The following CTBP2 variants were observed in gnomAD, a reference collection of about 807,000 sequenced individuals.
The protein encoded by CTBP2 is C-terminal-binding protein 2.
A neutral mutation model predicts 80.3 loss-of-function variants in CTBP2; 30 were observed. That is an observed-to-expected ratio of 0.37 (90% CI 0.28 to 0.51). CTBP2 has a LOEUF of 0.51. Ranked by LOEUF, CTBP2 falls within the 20% of genes least tolerant of loss-of-function variation. The pLI is 0.93. For missense variants in CTBP2, 1,212 were observed against 1,375.3 expected (o/e 0.88, Z 1.88); for synonymous variants, 594 against 587.4 (o/e 1.01, Z -0.16).
intron 1 of CTBP2, among the ~76,000 whole-genome samples, chr10:125,146,678 G>C (rs971846789): frequency 6.6e-6 from 1 of 152,104 alleles, no homozygotes; most frequent in Non-Finnish European, 1.5e-5. Context: ...ACTAACTGCC[G>C]GACAGGCACC....
chr10:125,029,627 T>C (rs1957982902), upstream of CTBP2, among the ~76,000 whole-genome samples: 1 of 152,126 alleles, frequency 6.6e-6, no homozygotes, highest in Non-Finnish European at 1.5e-5. Context: ...AACATGACCT[T>C]ATGTGGTGTT....
At chr10:125,014,330 T>C (rs1017194737) in intron 1 of CTBP2, among the ~76,000 whole-genome samples, 3 of 152,180 alleles carry the variant, frequency 2.0e-5, no homozygotes, top group African/African-American at 7.2e-5. Flanking sequence ...CACGTGCCTG[T>C]AGTCCCAGCT....
intron 2 of CTBP2, among the ~76,000 whole-genome samples, chr10:125,099,992 G>C (rs1183741041): frequency 2.0e-5 from 3 of 152,150 alleles, no homozygotes; most frequent in Admixed American, 1.3e-4. Flanking sequence ...GTCCTGGGGG[G>C]GCGGACACAG....
chr10:125,146,649 C>A (rs1858832259), intron 1 of CTBP2, among the ~76,000 whole-genome samples: 1 of 152,090 alleles, frequency 6.6e-6, no homozygotes, highest in Non-Finnish European at 1.5e-5. Flanking sequence ...AAATGACCAG[C>A]CCACTCTGAA....
In CTBP2 at chr10:124,984,725, C is replaced by G. The variant is rs376988630; in HGVS notation, c.*4793G>C. On this transcript the variant is annotated 3_prime_UTR_variant, in exon 9 of 9. Coordinates refer to ENST00000309035, the MANE Select transcript of CTBP2 (RefSeq NM_022802.3). ...TTTCCATGTCACATTCCTACCAAGTCTCTGATCTGTTGTATGATTTTCCCT... is the reference window on the plus strand; with the variant it reads ...TTTCCATGTCACATTCCTACCAAGTGTCTGATCTGTTGTATGATTTTCCCT... 1 of 1,570,040 alleles carries G rather than the reference C, an allele frequency of 6.4e-7. No homozygotes were observed. Among genetic ancestry groups the G allele is most frequent in the Non-Finnish European group, 8.7e-7 (1 of 1,151,436 alleles).
At chr10:125,091,933 A>G (rs1485664172) in intron 2 of CTBP2, among the ~76,000 whole-genome samples, 3 of 152,174 alleles carry the variant, frequency 2.0e-5, no homozygotes, top group Non-Finnish European at 2.9e-5. Context: ...TTCTATTCAT[A>G]AATGTTCAAC....
intron 2 of CTBP2, among the ~76,000 whole-genome samples, chr10:125,069,894 C>A (rs926597826): frequency 6.9e-5 from 9 of 131,054 alleles, no homozygotes; most frequent in Non-Finnish European, 1.0e-4. Flanking sequence ...CCCTCCCCCC[C>A]CCACACAAAC....
At chr10:125,070,569 G>A (rs1050770075) in intron 2 of CTBP2, among the ~76,000 whole-genome samples, 1 of 149,024 alleles carries the variant, frequency 6.7e-6, no homozygotes, top group Non-Finnish European at 1.5e-5. Context: ...AAATGATAAT[G>A]ATAATAATAA....
In CTBP2 at chr10:125,027,619, C is replaced by G. The variant is rs1452134003; in HGVS notation, c.141G>C (p.Glu47Asp). The G allele has an allele frequency of 3.1e-6, 5 of 1,613,972 alleles. No homozygotes were observed. The highest frequency in any genetic ancestry group is 4.2e-6 in the Non-Finnish European group (5 of 1,180,042). Residue 47 changes from glutamate (E) to aspartate (D), a missense_variant, in exon 1 of 9, where the codon GAG becomes GAC. Transcript: ENST00000309035. ...GGTGGTTTGGCTCAAACCAAGTCCC[C>G]TCTGCTGTGCCATACGTCAGGGAGC...
At chr10:125,089,076 AT>A (rs1240146681) in intron 2 of CTBP2, among the ~76,000 whole-genome samples, 2 of 152,264 alleles carry the variant, frequency 1.3e-5, no homozygotes, top group African/African-American at 4.8e-5. Context: ...TAGGGTAAGA[AT>A]AACATCTCTC....
At chr10:125,138,996 G>A (rs1015003386) in intron 1 of CTBP2, among the ~76,000 whole-genome samples, 2 of 152,152 alleles carry the variant, frequency 1.3e-5, no homozygotes, top group African/African-American at 4.8e-5. Context: ...CCTGTGAGTG[G>A]TGCATTAGCC....
intron 2 of CTBP2, among the ~76,000 whole-genome samples, chr10:125,091,094 T>G (rs1848696954): frequency 6.6e-6 from 1 of 152,292 alleles, no homozygotes. Context: ...GGATATGACT[T>G]AACACAAACC....
chr10:125,040,477 A>C (rs1448231980), intron 2 of CTBP2, among the ~76,000 whole-genome samples: 2 of 141,864 alleles, frequency 1.4e-5, no homozygotes, highest in Admixed American at 1.4e-4. Flanking sequence ...AAAAAAAAAA[A>C]GGTGGCTTGA....
Position 125,042,643 on chromosome 10 carries a change from T to C in CTBP2, c.-101-3488A>G, listed in dbSNP as rs988098312. Among the ~76,000 whole-genome samples, 4 of 152,084 alleles carry C rather than the reference T, an allele frequency of 2.6e-5. No individual in the cohort carries two copies. In the East Asian group the frequency reaches 5.8e-4, roughly 22 times the overall value. ...CCTTGTCTGTAGAATGGGATGTCAC[T>C]GTGATGTCCCAGAGTGGCAGTGAGG... On this transcript the variant is annotated intron_variant, in intron 2 of 10. Transcript: ENST00000337195.
At chr10:125,118,545 G>A (rs1052966165) in intron 1 of CTBP2, among the ~76,000 whole-genome samples, 1 of 152,190 alleles carries the variant, frequency 6.6e-6, no homozygotes, top group African/African-American at 2.4e-5. Flanking sequence ...CACACCCAAA[G>A]CTGCCCGTGG....
chr10:125,132,517 T>G (rs926372114), intron 1 of CTBP2, among the ~76,000 whole-genome samples: 1 of 150,528 alleles, frequency 6.6e-6, no homozygotes, highest in Non-Finnish European at 1.5e-5. Flanking sequence ...AGGGGCGGAG[T>G]TGGAGGAGGA....
chr10:125,051,539 C>T (rs892728402), intron 2 of CTBP2, among the ~76,000 whole-genome samples: 8 of 151,936 alleles, frequency 5.3e-5, no homozygotes, highest in Non-Finnish European at 5.9e-5. Context: ...ACTCAGGAGG[C>T]TGAGGCAGGA....
chr10:125,138,824 G>A (rs1310445389), intron 1 of CTBP2, among the ~76,000 whole-genome samples: 1 of 152,156 alleles, frequency 6.6e-6, no homozygotes, highest in Non-Finnish European at 1.5e-5. Flanking sequence ...ACGAACTTAA[G>A]AACTCCAAAC....
At chr10:125,145,495 AGGGTAGG>A (rs1170250526) in intron 1 of CTBP2, among the ~76,000 whole-genome samples, 1 of 152,114 alleles carries the variant, frequency 6.6e-6, no homozygotes, top group Non-Finnish European at 1.5e-5. Flanking sequence ...CCCTTGGGGC[AGGGTAGG>A]GCAGGGCACG....
Sources: allele counts gnomAD v4.1 joint callset (sites outside exome capture counted in the v4.1 genomes callset), GRCh38; gene constraint gnomAD v4.1.1; transcripts MANE v1.5; gene names NCBI Gene and HGNC (gene_info 2026-07-23, HGNC 2026-07-21).